CEP126: variants seen among roughly 807,000 people sequenced by gnomAD.
The protein encoded by CEP126 is centrosomal protein 126.
A neutral mutation model predicts 107.8 loss-of-function variants in CEP126; 74 were observed. The observed-to-expected ratio is 0.69, with a 90% CI of 0.57 to 0.83. The LOEUF (loss-of-function observed/expected upper bound fraction) is 0.83, where lower values mean the gene tolerates loss of function less well. CEP126 is among the 40% of genes least tolerant of loss of function. The pLI is 0.00. For synonymous variants in CEP126, 449 were observed against 446.0 expected (o/e 1.01, Z -0.08); for missense variants, 1,237 against 1,281.9 (o/e 0.96, Z 0.53).
chr11:101,978,557 C>A (rs932826366), intron 7 of CEP126, 98 bp downstream of exon 7: 1 of 714,378 alleles, frequency 1.4e-6, no homozygotes, highest in Non-Finnish European at 2.4e-6. Flanking sequence ...AAACTGTATA[C>A]CACAACATAA....
At chr11:101,919,156 A>G (rs1412753599) in intron 1 of CEP126, among the ~76,000 whole-genome samples, 1 of 152,194 alleles carries the variant, frequency 6.6e-6, no homozygotes, top group East Asian at 1.9e-4. Flanking sequence ...AGAGGTTTAG[A>G]GTAAGAAGAA....
At chr11:101,986,781 G>T in intron 8 of CEP126, 51 bp from the exon 9 acceptor site, 1 of 1,365,590 alleles carries the variant, frequency 7.3e-7, no homozygotes, top group South Asian at 1.2e-5. Context: ...TATAAGGGCT[G>T]ATCTCAAAGA....
chr11:101,992,751 T>C (rs200793812), intron 9 of CEP126, 27 bp from the exon 10 acceptor site: 4 of 1,202,044 alleles, frequency 3.3e-6, no homozygotes, highest in East Asian at 2.6e-5. Context: ...ACTAAATTAT[T>C]TTGGTATTGT....
rs781409882 is a variant in CEP126, at chr11:101,944,398, C to T, written c.382C>T (p.Arg128Trp). 94 of 1,608,424 alleles carry T rather than the reference C, an allele frequency of 5.8e-5. No homozygotes were observed. The highest frequency in any genetic ancestry group is 8.1e-5 in the African/African-American group (6 of 74,424). ...GCGTGCCCATGTTCCTCTTTCACAG[C>T]GGAGGAAAGCAGGTGCCTTAATTTC... ...FQRAHVPLSQ[R>W]RKAVSRKPVP... Residue 128 changes from arginine (R) to tryptophan (W), a missense_variant, in exon 3 of 11, where the codon CGG (arginine) becomes TGG (tryptophan). Arg to Trp is a moderately radical substitution (Grantham distance 101). This residue lies in a region of CEP126 where 1,134 missense variants were observed against 1,150.5 expected (regional missense o/e 0.99). Transcript: ENST00000263468.
intron 6 of CEP126, among the ~76,000 whole-genome samples, chr11:101,965,835 G>A (rs544906033): frequency 6.6e-6 from 1 of 151,984 alleles, no homozygotes; most frequent in African/African-American, 2.4e-5. Flanking sequence ...TAGCAGAATT[G>A]GTATTTTGAT....
chr11:101,928,421 T>C (rs1940442689), intron 2 of CEP126, among the ~76,000 whole-genome samples: 1 of 152,216 alleles, frequency 6.6e-6, no homozygotes, highest in Non-Finnish European at 1.5e-5. Flanking sequence ...TGATGTAAAG[T>C]CTAGGAACTC....
At chr11:101,957,038 AG>A (rs2066810555) in intron 4 of CEP126, 1 of 286,434 alleles carries the variant, frequency 3.5e-6, no homozygotes, top group Non-Finnish European at 6.8e-6. Flanking sequence ...AGAGTAGGAA[AG>A]TGTAAAAGGA....
In CEP126 at chr11:102,000,903, T is replaced by C. The variant is rs987562512; in HGVS notation, c.*3260T>C. 7.2e-5 allele frequency: 11 copies of C among 152,218 alleles called. No homozygotes were observed. The highest frequency in any genetic ancestry group is 2.7e-4 in the African/African-American group (11 of 41,464). 9.4% of individuals were successfully genotyped at this position (152,218 alleles called of 1,614,324 possible). On this transcript the variant is annotated 3_prime_UTR_variant, in exon 11 of 11. Coordinates refer to ENST00000263468, the MANE Select transcript of CEP126 (RefSeq NM_020802.4). ...GTACCAGAATGACTATGTCTGTGTT[T>C]CTTAGGAATGTTGAAGCTTTTTGTG...
At chr11:101,971,970 G>T (rs1006712021) in intron 6 of CEP126, among the ~76,000 whole-genome samples, 8 of 151,996 alleles carry the variant, frequency 5.3e-5, no homozygotes, top group African/African-American at 1.4e-4. Flanking sequence ...TTAGCTGGGC[G>T]TGGTGGTGGG....
intron 2 of CEP126, among the ~76,000 whole-genome samples, chr11:101,933,767 C>G (rs1419394068): frequency 2.6e-5 from 4 of 151,650 alleles, no homozygotes; most frequent in Non-Finnish European, 4.4e-5. Flanking sequence ...CTCACATGCA[C>G]AGTGCTTTTG....
chr11:101,944,211 T>G, intron 2 of CEP126, 54 bp from the exon 3 acceptor site: 3 of 1,441,070 alleles, frequency 2.1e-6, no homozygotes, highest in Non-Finnish European at 2.8e-6. Flanking sequence ...ATTTTGAAAC[T>G]ATTTTCTAAA....
chr11:101,947,602 A>T (rs1565355983), intron 3 of CEP126, among the ~76,000 whole-genome samples: 1 of 152,118 alleles, frequency 6.6e-6, no homozygotes, highest in Non-Finnish European at 1.5e-5. Flanking sequence ...GGCCATAGTG[A>T]GGGTTAGTTT....
Position 101,963,377 on chromosome 11 carries a change from C to G in CEP126, c.2342C>G (p.Pro781Arg). The stretch of plus-strand genomic sequence containing the variant: ...AACAGAAAAGGCGCTGTCATTCAAC[C>G]ACAGTCTGCAAGCAAAGTCAACATA... ...CTNRKGAVIQPQSASKVNIFT... is the reference protein window; with the variant it reads ...CTNRKGAVIQRQSASKVNIFT... The change falls in exon 6 of 11, where the codon CCA (proline) becomes CGA (arginine). Residue 781 changes from proline (P) to arginine (R), a missense_variant. Pro to Arg is a moderately radical substitution (Grantham distance 103, BLOSUM62 -2). Around this residue, in one of 3 missense-constraint regions of CEP126, gnomAD observed 1,134 missense variants for 1,150.5 expected, o/e 0.99. Transcript: ENST00000263468. 5 of 1,614,102 alleles carry G rather than the reference C, an allele frequency of 3.1e-6. No individual in the cohort carries two copies. Among genetic ancestry groups the G allele is most frequent in the Non-Finnish European group, 4.2e-6 (5 of 1,179,998 alleles).
In CEP126 at chr11:101,962,209, A is replaced by G. The variant is rs373160620; in HGVS notation, c.1174A>G (p.Met392Val). Residue 392 changes from methionine to valine, a missense_variant, in exon 6 of 11, where the codon ATG becomes GTG. Transcript: ENST00000263468. The part of the protein sequence containing the change: ...KCEKTSETST[M>V]RTTDSTSGAF... The stretch of plus-strand genomic sequence containing the variant: ...TGAAAAGACCTCTGAAACTAGCACT[A>G]TGAGGACAACTGACTCCACTTCTGG... 17 of 1,613,838 alleles carry G rather than the reference A, an allele frequency of 1.1e-5. 1 individual carries two copies. The South Asian group carries it at 1.4e-4, about 14-fold the overall frequency.
rs1301501079 is a variant in CEP126, at chr11:101,938,173, AAAAT to A, written c.249-6090_249-6087del. On this transcript the variant is annotated intron_variant, in intron 2 of 10. Coordinates refer to ENST00000263468, the MANE Select transcript of CEP126 (RefSeq NM_020802.4). ...AGACTCTGTCTCAAAAAAAAAAAAA[AAAAT>A]ACAAGAAATTGGTCCATTTTACCTA... Among the ~76,000 whole-genome samples, 20 of 145,344 alleles carry A rather than the reference AAAAT, an allele frequency of 1.4e-4. 5 individuals are homozygous for A. The highest frequency in any genetic ancestry group is 4.1e-4 in the East Asian group (2 of 4,890).
chr11:101,946,279 G>A (rs1485199696), intron 3 of CEP126, among the ~76,000 whole-genome samples: 1 of 152,078 alleles, frequency 6.6e-6, no homozygotes, highest in Non-Finnish European at 1.5e-5. Context: ...GCCAAGGCAG[G>A]TGGATGGTTT....
chr11:101,955,962 C>G, intron 4 of CEP126: 1 of 456,510 alleles, frequency 2.2e-6, no homozygotes, highest in Non-Finnish European at 4.4e-6. Context: ...TCTGTACCCT[C>G]TACTCTTCCA....
intron 2 of CEP126, among the ~76,000 whole-genome samples, chr11:101,927,078 C>T (rs934590106): frequency 9.2e-5 from 14 of 152,052 alleles, no homozygotes; most frequent in Non-Finnish European, 4.4e-5. Context: ...AAGGTGGGTG[C>T]GTTACTTGAG....
intron 2 of CEP126, among the ~76,000 whole-genome samples, chr11:101,938,042 A>C (rs866783908): frequency 6.6e-6 from 1 of 150,724 alleles, no homozygotes; most frequent in African/African-American, 2.4e-5. Flanking sequence ...AGTCCCAGCT[A>C]CTCGGGAGGC....
Sources: gnomAD v4.1 joint callset for allele counts (sites outside exome capture counted in the v4.1 genomes callset) on GRCh38, gnomAD v4.1.1 for gene constraint, gnomAD v4.1.1 regional missense constraint, MANE v1.5 for transcripts, NCBI Gene and HGNC (gene_info 2026-07-23, HGNC 2026-07-21) for gene names.